Variants in A1CF observed in about 807,000 individuals in gnomAD.
A1CF encodes APOBEC-1 stimulating protein.
In A1CF, 48 loss-of-function variants were observed where a neutral mutation model predicts 68.9. The observed-to-expected ratio is 0.70, with a 90% CI of 0.55 to 0.89. The LOEUF is 0.89. Ranked by LOEUF, A1CF falls within the 40% of genes least tolerant of loss-of-function variation. The pLI, the probability that A1CF is intolerant of heterozygous loss-of-function variation, is 0.00. For missense variants in A1CF, 653 were observed against 718.9 expected, an observed-to-expected ratio of 0.91 and a Z score of 1.05; for synonymous variants, 272 against 260.4, an observed-to-expected ratio of 1.04 and a Z score of -0.43.
intron 7 of A1CF, chr10:50,824,480 C>T (rs1163809625): frequency 1.3e-5 from 2 of 152,194 alleles, no homozygotes; most frequent in East Asian, 1.9e-4. Context: ...CATAATGTTC[C>T]TATGCCTACA....
chr10:50,808,839 T>C lies in A1CF; in HGVS notation c.1609+1055A>G, dbSNP rs1413629878. Among the ~76,000 whole-genome samples, 3 of 152,180 alleles carry C rather than the reference T, an allele frequency of 2.0e-5. No homozygotes were observed. The East Asian group carries it at 5.8e-4, about 29-fold the overall frequency. The stretch of plus-strand genomic sequence containing the variant: ...GAAGGAGCCCCAGGTGCAGTGGGTG[T>C]GAGGAATATAAAATTTTTCACACCT... On this transcript the variant is annotated intron_variant, in intron 12 of 12. Coordinates refer to ENST00000373997, the MANE Select transcript of A1CF (RefSeq NM_014576.4).
intron 3 of A1CF, among the ~76,000 whole-genome samples, chr10:50,847,204 A>T (rs1365564312): frequency 6.6e-6 from 1 of 152,226 alleles, no homozygotes; most frequent in Non-Finnish European, 1.5e-5. Context: ...TTTGTTTTTC[A>T]TGAGAGAATG....
intron 3 of A1CF, among the ~76,000 whole-genome samples, chr10:50,848,210 G>A (rs555625153): frequency 1.6e-4 from 25 of 152,054 alleles, no homozygotes; most frequent in Admixed American, 1.1e-3. Flanking sequence ...ATATGAAGAC[G>A]CTTGTAGTTC....
intron 1 of A1CF, among the ~76,000 whole-genome samples, chr10:50,878,704 C>G (rs1402476330): frequency 6.6e-6 from 1 of 152,080 alleles, no homozygotes; most frequent in African/African-American, 2.4e-5. Flanking sequence ...CTAAGAGTTT[C>G]CAGGCATTAT....
At chr10:50,814,152 T>C in intron 9 of A1CF, 114 bp from the exon 10 acceptor site, 1 of 1,140,568 alleles carries the variant, frequency 8.8e-7, no homozygotes, top group East Asian at 2.5e-5. Context: ...CCAATTCACG[T>C]TGATTATTGC....
At chr10:50,837,117 GA>G (rs1839538141) in intron 5 of A1CF, among the ~76,000 whole-genome samples, 1 of 152,140 alleles carries the variant, frequency 6.6e-6, no homozygotes, top group African/African-American at 2.4e-5. Flanking sequence ...TTTTATACTT[GA>G]ACACATTTTC....
Position 50,838,213 on chromosome 10 carries a change from G to A in A1CF, c.366-1901C>T, listed in dbSNP as rs147675698. Among the ~76,000 whole-genome samples the A allele has an allele frequency of 5.7e-4, 87 of 152,274 alleles. 1 individual carries two copies. In the East Asian group the frequency reaches 0.015, roughly 27 times the overall value. ...CTCTTGGTTGTGTGGCAGGTTTTCT[G>A]ACCAGGGTTAGGCCACTGTCCTAGC... On this transcript the variant is annotated intron_variant, in intron 5 of 12. Transcript: ENST00000373997.
chr10:50,849,759 A>G (rs562749085), intron 3 of A1CF, among the ~76,000 whole-genome samples: 10 of 151,870 alleles, frequency 6.6e-5, no homozygotes, highest in Non-Finnish European at 1.3e-4. Context: ...ATAAACGACT[A>G]AAAATAGTGA....
rs556912131 is a variant in A1CF, at chr10:50,862,163, C to T, written c.-46+1870G>A. 1.2e-3 allele frequency among the ~76,000 whole-genome samples: 183 copies of T among 151,952 alleles called. 1 individual carries two copies. The highest frequency in any genetic ancestry group is 3.9e-3 in the African/African-American group (163 of 41,470). Reference sequence around the variant, plus strand: ...GGCAGATCACCTGAGGTCAGGAGTTCGAGACCAGCCTGCCCAACATGGTGA... The same window carrying T: ...GGCAGATCACCTGAGGTCAGGAGTTTGAGACCAGCCTGCCCAACATGGTGA... On this transcript the variant is annotated intron_variant, in intron 2 of 12. Transcript: ENST00000373997.
intron 3 of A1CF, among the ~76,000 whole-genome samples, chr10:50,854,646 A>T (rs1431250579): frequency 6.6e-6 from 1 of 151,896 alleles, no homozygotes; most frequent in Non-Finnish European, 1.5e-5. Flanking sequence ...TTTTAGATAC[A>T]TTCTTTTTCA....
At chr10:50,808,718 T>A (rs137893079) in intron 12 of A1CF, among the ~76,000 whole-genome samples, 1 of 152,252 alleles carries the variant, frequency 6.6e-6, no homozygotes, top group East Asian at 1.9e-4. Flanking sequence ...CACTTTCAGA[T>A]GTGAAACATC....
chr10:50,880,343 G>A (rs1564539214), intron 1 of A1CF, among the ~76,000 whole-genome samples: 1 of 152,168 alleles, frequency 6.6e-6, no homozygotes, highest in Non-Finnish European at 1.5e-5. Flanking sequence ...CGTAGCAATA[G>A]TACCCATTCC....
chr10:50,847,486 G>T (rs373836251), intron 3 of A1CF, among the ~76,000 whole-genome samples: 7 of 152,242 alleles, frequency 4.6e-5, no homozygotes, highest in African/African-American at 1.7e-4. Context: ...AAGAGATTTT[G>T]TCTACCATCT....
At chr10:50,879,168 G>T (rs1350177850) in intron 1 of A1CF, among the ~76,000 whole-genome samples, 1 of 152,198 alleles carries the variant, frequency 6.6e-6, no homozygotes, top group Non-Finnish European at 1.5e-5. Context: ...TGGTGGAGCT[G>T]CTATTTGGGA....
chr10:50,885,539 C>T (rs1173267778), intron 1 of A1CF, 42 bp downstream of exon 1: 6 of 152,208 alleles, frequency 3.9e-5, no homozygotes, highest in African/African-American at 1.4e-4. Context: ...TACACAGTTT[C>T]ACAGAGTTGA....
intron 1 of A1CF, among the ~76,000 whole-genome samples, chr10:50,879,952 T>C (rs574378449): frequency 8.5e-5 from 13 of 152,048 alleles, no homozygotes; most frequent in Admixed American, 2.6e-4. Flanking sequence ...GTGAAGGGAG[T>C]ATTCCTGTTT....
intron 4 of A1CF, among the ~76,000 whole-genome samples, chr10:50,843,052 C>A (rs1001973549): frequency 2.6e-5 from 4 of 152,134 alleles, no homozygotes; most frequent in Non-Finnish European, 5.9e-5. Flanking sequence ...AATATGATGG[C>A]GCATGTCTGG....
chr10:50,853,687 T>C (rs1840349073), intron 3 of A1CF, among the ~76,000 whole-genome samples: 1 of 151,940 alleles, frequency 6.6e-6, no homozygotes, highest in African/African-American at 2.4e-5. Flanking sequence ...AAGAATTTTC[T>C]TTAAAAACTA....
At chr10:50,881,510 T>G (rs1268733180) in intron 1 of A1CF, among the ~76,000 whole-genome samples, 1 of 152,232 alleles carries the variant, frequency 6.6e-6, no homozygotes, top group African/African-American at 2.4e-5. Flanking sequence ...TAAAAATCTT[T>G]ATAAGTTCTT....
Sources: allele counts gnomAD v4.1 joint callset (sites outside exome capture counted in the v4.1 genomes callset), GRCh38; gene constraint gnomAD v4.1.1; transcripts MANE v1.5; gene names NCBI Gene and HGNC (gene_info 2026-07-23, HGNC 2026-07-21).